The following ART3 variants were observed in gnomAD, a reference collection of about 807,000 sequenced individuals.
The protein encoded by ART3 is ADP-ribosyltransferase 3 (inactive), also known as ecto-ADP-ribosyltransferase 3.
Under a neutral mutation model 48.5 loss-of-function variants are expected in ART3, and 49 were observed. The observed-to-expected ratio is 1.01, with a 90% CI of 0.80 to 1.28. The LOEUF is 1.28. ART3 is among the 50% of genes most tolerant of loss of function. The pLI is 0.00. For missense variants in ART3, 438 were observed against 454.3 expected (o/e 0.96, Z 0.33); for synonymous variants, 145 against 157.2 (o/e 0.92, Z 0.58).
chr4:76,078,795 A>G (rs1028282754), intron 2 of ART3, among the ~76,000 whole-genome samples: 1 of 152,164 alleles, frequency 6.6e-6, no homozygotes, highest in Non-Finnish European at 1.5e-5. Flanking sequence ...TAAGAGGACA[A>G]GACGGCCGGG....
rs756381950 is a variant in ART3, at chr4:76,103,966, C to G, written c.967C>G (p.Pro323Ala). The change falls in exon 9 of 12, where the codon CCT becomes GCT. Residue 323 changes from proline to alanine, a missense_variant. Pro to Ala is a conservative substitution (Grantham distance 27). Transcript: ENST00000355810. The part of the protein sequence containing the change: ...GVKILEPTQI[P>A]GMKIPEPFPL... Reference sequence around the variant, plus strand: ...GAAAATCCTTGAACCCACCCAAATACCTGGTAAGACAGCTTTCTATTTACT... The same window carrying G: ...GAAAATCCTTGAACCCACCCAAATAGCTGGTAAGACAGCTTTCTATTTACT... 1 of 1,613,354 alleles carries G rather than the reference C, an allele frequency of 6.2e-7. No individual in the cohort carries two copies. Among genetic ancestry groups the G allele is most frequent in the South Asian group, 1.1e-5 (1 of 91,056 alleles).
chr4:76,042,137 A>C (rs1305286921), intron 1 of ART3, among the ~76,000 whole-genome samples: 1 of 152,210 alleles, frequency 6.6e-6, no homozygotes, highest in East Asian at 1.9e-4. Flanking sequence ...AAAAATCTGT[A>C]ATCTGTGCTT....
intron 3 of ART3, among the ~76,000 whole-genome samples, chr4:76,088,622 T>A (rs17001367): frequency 0.012 from 1,846 of 152,272 alleles, 42 homozygotes; most frequent in African/African-American, 0.042. Flanking sequence ...CTTTAGCATT[T>A]CCTGGGAGTA....
chr4:76,105,907 G>A, intron 10 of ART3: 1 of 985,348 alleles, frequency 1.0e-6, no homozygotes. Flanking sequence ...GGACTGTGCA[G>A]CATGCCAATA....
chr4:76,079,873 G>GTC (rs758460625), intron 2 of ART3, among the ~76,000 whole-genome samples: 15 of 150,192 alleles, frequency 1.0e-4, no homozygotes, highest in South Asian at 2.1e-4. Flanking sequence ...TAGTATCTCT[G>GTC]TCTCTCTCTC....
intron 11 of ART3, among the ~76,000 whole-genome samples, chr4:76,110,418 A>G (rs1446825461): frequency 2.0e-5 from 3 of 152,090 alleles, no homozygotes; most frequent in Admixed American, 6.6e-5. Flanking sequence ...GCATCTGTGG[A>G]TTTTGGTATC....
intron 8 of ART3, among the ~76,000 whole-genome samples, chr4:76,102,509 A>G (rs1363590697): frequency 1.3e-5 from 2 of 152,090 alleles, no homozygotes; most frequent in Non-Finnish European, 2.9e-5. Flanking sequence ...CCTGTGTCCA[A>G]CCATTGGGTA....
chr4:76,095,494 C>T (rs1272851567), intron 3 of ART3, among the ~76,000 whole-genome samples: 1 of 152,016 alleles, frequency 6.6e-6, no homozygotes, highest in African/African-American at 2.4e-5. Flanking sequence ...GGTGACAGAG[C>T]GAGACTCCAT....
chr4:76,107,734 C>G, intron 10 of ART3, 27 bp from the exon 11 acceptor site: 1 of 1,361,708 alleles, frequency 7.3e-7, no homozygotes, highest in Non-Finnish European at 1.0e-6. Flanking sequence ...TACAATATAA[C>G]TAACTCAAAA....
intron 1 of ART3, among the ~76,000 whole-genome samples, chr4:76,051,047 C>T (rs984649198): frequency 5.9e-5 from 9 of 152,262 alleles, no homozygotes; most frequent in African/African-American, 2.2e-4. Flanking sequence ...CCCTCCACAC[C>T]TCCCTGCAAG....
chr4:76,018,192 A>C (rs1732435165), intron 1 of ART3, among the ~76,000 whole-genome samples: 1 of 152,242 alleles, frequency 6.6e-6, no homozygotes, highest in South Asian at 2.1e-4. Context: ...TATGGAACCA[A>C]CCTAGATGCC....
At chr4:76,013,081 G>A (rs1731946961) in intron 1 of ART3, among the ~76,000 whole-genome samples, 1 of 152,168 alleles carries the variant, frequency 6.6e-6, no homozygotes, top group Admixed American at 6.5e-5. Context: ...TATTATAGAA[G>A]AAGTGGTATG....
chr4:76,110,432 AG>A (rs1320664147), intron 11 of ART3, among the ~76,000 whole-genome samples: 1 of 152,204 alleles, frequency 6.6e-6, no homozygotes, highest in Admixed American at 6.5e-5. Flanking sequence ...TGGTATCCTC[AG>A]GGGTTCTAGA....
intron 1 of ART3, among the ~76,000 whole-genome samples, chr4:76,029,941 T>A (rs1049755826): frequency 5.9e-5 from 9 of 152,230 alleles, no homozygotes; most frequent in African/African-American, 2.2e-4. Flanking sequence ...CCTATTTCTG[T>A]TAGTGACAGA....
intron 1 of ART3, among the ~76,000 whole-genome samples, chr4:76,068,930 G>C (rs79882505): frequency 1.1e-3 from 168 of 152,274 alleles, no homozygotes; most frequent in African/African-American, 3.7e-3. Context: ...TCCTCCTTTA[G>C]CTACTCCAAC....
intron 1 of ART3, among the ~76,000 whole-genome samples, chr4:76,019,318 G>A (rs1284739612): frequency 2.7e-5 from 4 of 150,902 alleles, no homozygotes; most frequent in African/African-American, 4.9e-5. Flanking sequence ...AATTATGTGA[G>A]TTAGTTTTAA....
rs537014310 is a variant in ART3, at chr4:76,064,515, A to G, written c.-9-11366A>G. Among the ~76,000 whole-genome samples the G allele has an allele frequency of 3.4e-3, 511 of 152,360 alleles. 1 individual carries two copies. The highest frequency in any genetic ancestry group is 5.7e-3 in the Non-Finnish European group (391 of 68,038). ...GTCTTGTCTTTATACTAAAGAATAT[A>G]TAGCTGGTTGCAATAAACTTGCAGT... On this transcript the variant is annotated intron_variant, in intron 1 of 9. Coordinates refer to the ART3 transcript ENST00000341029.
chr4:76,092,584 G>C (rs1273323146), intron 3 of ART3, among the ~76,000 whole-genome samples: 1 of 151,878 alleles, frequency 6.6e-6, no homozygotes, highest in African/African-American at 2.4e-5. Context: ...TACTTATTTG[G>C]ACCAATTTGA....
At chr4:76,034,960 T>G in intron 1 of ART3, 1 of 1,410,278 alleles carries the variant, frequency 7.1e-7, no homozygotes, top group Admixed American at 1.7e-5. Flanking sequence ...AGCAGAATCT[T>G]TCTGTAGTTG....
Sources: gnomAD v4.1 joint callset for allele counts (sites outside exome capture counted in the v4.1 genomes callset) on GRCh38, gnomAD v4.1.1 for gene constraint, MANE v1.5 for transcripts, NCBI Gene and HGNC (gene_info 2026-07-23, HGNC 2026-07-21) for gene names.